The following CDH18 variants were observed in gnomAD, a reference collection of about 807,000 sequenced individuals.
CDH18 encodes cadherin 18.
CDH18 carries 31 observed loss-of-function variants against 67.9 expected under a neutral mutation model. That is an observed-to-expected ratio of 0.46 (90% CI 0.34 to 0.62). The LOEUF (loss-of-function observed/expected upper bound fraction) is 0.62, where lower values mean the gene tolerates loss of function less well. Among genes scored for constraint, CDH18 ranks in the 20% least tolerant of loss-of-function variants. The probability of loss-of-function intolerance (pLI) is 0.01; values close to 1 mark genes in which losing one functional copy is unlikely to be tolerated. For missense variants in CDH18, 890 were observed against 975.5 expected (o/e 0.91, Z 1.17); for synonymous variants, 362 against 347.2 (o/e 1.04, Z -0.48).
At chr5:19,890,838 G>C (rs1205888679) in intron 2 of CDH18, among the ~76,000 whole-genome samples, 1 of 151,914 alleles carries the variant, frequency 6.6e-6, no homozygotes, top group Admixed American at 6.6e-5. Flanking sequence ...ATGTCATATA[G>C]GTTGCAATAC....
intron 8 of CDH18, among the ~76,000 whole-genome samples, chr5:19,556,339 G>T (rs939871932): frequency 1.3e-5 from 2 of 151,884 alleles, no homozygotes; most frequent in Non-Finnish European, 2.9e-5. Context: ...AAGCACTAGA[G>T]AAAGGTGAAG....
At chr5:19,854,816 TCGTATTC>T (rs1332740906) in intron 2 of CDH18, among the ~76,000 whole-genome samples, 1 of 152,162 alleles carries the variant, frequency 6.6e-6, no homozygotes, top group Non-Finnish European at 1.5e-5. Flanking sequence ...TAATACTAGA[TCGTATTC>T]ATTCTATCTA....
chr5:19,688,572 G>A (rs1761435994), intron 5 of CDH18, among the ~76,000 whole-genome samples: 1 of 151,982 alleles, frequency 6.6e-6, no homozygotes, highest in African/African-American at 2.4e-5. Flanking sequence ...TCCCAAAATG[G>A]AAGAAGTGAC....
intron 2 of CDH18, among the ~76,000 whole-genome samples, chr5:20,177,702 C>A (rs1737350258): frequency 6.6e-6 from 1 of 152,018 alleles, no homozygotes; most frequent in African/African-American, 2.4e-5. Flanking sequence ...CTTGAATTCC[C>A]ATGTGTTGTT....
intron 1 of CDH18, among the ~76,000 whole-genome samples, chr5:20,446,323 T>C (rs922899267): frequency 6.6e-6 from 1 of 152,106 alleles, no homozygotes; most frequent in Non-Finnish European, 1.5e-5. Flanking sequence ...GGGGCTGTCT[T>C]AGTGACAGCC....
intron 2 of CDH18, among the ~76,000 whole-genome samples, chr5:20,041,718 T>C (rs1740433533): frequency 6.6e-6 from 1 of 152,208 alleles, no homozygotes. Flanking sequence ...TATTTTCTTT[T>C]AAACAGCAAA....
At chr5:20,391,560 C>T (rs975611064) in intron 1 of CDH18, among the ~76,000 whole-genome samples, 1 of 151,948 alleles carries the variant, frequency 6.6e-6, no homozygotes, top group Admixed American at 6.6e-5. Context: ...GTTCTATTTA[C>T]TAAGTATAAT....
intron 2 of CDH18, among the ~76,000 whole-genome samples, chr5:20,168,462 C>A (rs1004296470): frequency 2.0e-5 from 3 of 151,816 alleles, no homozygotes; most frequent in African/African-American, 7.3e-5. Flanking sequence ...ATAGAAAATT[C>A]TTAAATCTAT....
chr5:20,194,910 C>G (rs1449561238), intron 2 of CDH18, among the ~76,000 whole-genome samples: 1 of 151,978 alleles, frequency 6.6e-6, no homozygotes, highest in Non-Finnish European at 1.5e-5. Context: ...GGTTTGTTAT[C>G]CCTAGTTAAA....
intron 1 of CDH18, among the ~76,000 whole-genome samples, chr5:20,360,844 G>A (rs1034504147): frequency 6.6e-6 from 1 of 151,762 alleles, no homozygotes; most frequent in Non-Finnish European, 1.5e-5. Context: ...TTTCAATTAG[G>A]AAGTATACAA....
intron 3 of CDH18, among the ~76,000 whole-genome samples, chr5:19,816,597 AATATGAAAC>A (rs1779309020): frequency 6.6e-6 from 1 of 151,876 alleles, no homozygotes; most frequent in Non-Finnish European, 1.5e-5. Context: ...TTCATTGGTA[AATATGAAAC>A]ATAAATCCAA....
intron 3 of CDH18, among the ~76,000 whole-genome samples, chr5:19,832,613 C>T (rs1333814220): frequency 1.3e-5 from 2 of 152,036 alleles, no homozygotes. Flanking sequence ...ACGCCTATGT[C>T]CTATATGGTA....
intron 3 of CDH18, among the ~76,000 whole-genome samples, chr5:19,820,435 C>T (rs1233859827): frequency 6.6e-6 from 1 of 152,162 alleles, no homozygotes; most frequent in Non-Finnish European, 1.5e-5. Context: ...GGTGCCACAA[C>T]AGCTACACAC....
At chr5:20,148,928 T>A (rs1000087659) in intron 2 of CDH18, among the ~76,000 whole-genome samples, 1 of 152,014 alleles carries the variant, frequency 6.6e-6, no homozygotes, top group African/African-American at 2.4e-5. Context: ...GAAGGGGACA[T>A]AAGACTTTCA....
chr5:19,728,567 C>G (rs539273536), intron 4 of CDH18, among the ~76,000 whole-genome samples: 13 of 152,030 alleles, frequency 8.6e-5, no homozygotes, highest in African/African-American at 3.1e-4. Context: ...ATAAACAGCA[C>G]GTATTTTGCA....
At chr5:19,507,289 A>G (rs1744355673) in intron 10 of CDH18, among the ~76,000 whole-genome samples, 1 of 152,136 alleles carries the variant, frequency 6.6e-6, no homozygotes, top group South Asian at 2.1e-4. Flanking sequence ...AAATAGGAAC[A>G]CTTTTACACT....
chr5:19,841,874 C>T (rs12188795), intron 2 of CDH18, among the ~76,000 whole-genome samples: 43,458 of 151,914 alleles, frequency 0.29, 7,644 homozygotes, highest in Non-Finnish European at 0.38. Flanking sequence ...TATATGTTTG[C>T]GAATCTCAAT....
chr5:19,885,625 A>T (rs1788110409), intron 2 of CDH18, among the ~76,000 whole-genome samples: 1 of 152,174 alleles, frequency 6.6e-6, no homozygotes, highest in Non-Finnish European at 1.5e-5. Flanking sequence ...CAGTGGTGCG[A>T]TCATAGCTCA....
At position 19,808,318 on chromosome 5, in the gene CDH18, CA is replaced by C. The variant is rs144547566; in HGVS notation, c.228+30440del. ...AAAAAATAAAACAAAACAACAACAA[CA>C]AAAAAAAAACAAAAATAAAACTGAA... On this transcript the variant is annotated intron_variant, in intron 3 of 12. Coordinates refer to ENST00000382275, the MANE Select transcript of CDH18 (RefSeq NM_004934.5). Among the ~76,000 whole-genome samples, 566 of 133,330 alleles carry C rather than the reference CA, an allele frequency of 4.2e-3. 1 individual carries two copies. Among genetic ancestry groups the C allele is most frequent in the Non-Finnish European group, 7.1e-3 (425 of 59,862 alleles). The allele number at this position is 133,330 out of a possible 152,430, so 87.5% of individuals were successfully genotyped here.
Sources: gnomAD v4.1 joint callset for allele counts (sites outside exome capture counted in the v4.1 genomes callset) on GRCh38, gnomAD v4.1.1 for gene constraint, MANE v1.5 for transcripts, NCBI Gene and HGNC (gene_info 2026-07-23, HGNC 2026-07-21) for gene names.